The following EYA2 variants were observed in gnomAD, a reference collection of about 807,000 sequenced individuals.
EYA2 encodes EYA transcriptional coactivator and phosphatase 2, also known as protein phosphatase EYA2.
A neutral mutation model predicts 69.2 loss-of-function variants in EYA2; 31 were observed. That is an observed-to-expected ratio of 0.45 (90% CI 0.34 to 0.60). The LOEUF (loss-of-function observed/expected upper bound fraction) is 0.60, where lower values mean the gene tolerates loss of function less well. Ranked by LOEUF, EYA2 falls within the 20% of genes least tolerant of loss-of-function variation. The pLI, the probability that EYA2 is intolerant of heterozygous loss-of-function variation, is 0.02. For synonymous variants in EYA2, 257 were observed against 279.4 expected (o/e 0.92, Z 0.80); for missense variants, 622 against 701.2 (o/e 0.89, Z 1.28).
chr20:47,011,431 A>G (rs1447651798), intron 4 of EYA2, among the ~76,000 whole-genome samples: 1 of 152,130 alleles, frequency 6.6e-6, no homozygotes, highest in Non-Finnish European at 1.5e-5. Context: ...TCTCAGGATC[A>G]AAGCCAAAGG....
At chr20:47,131,981 CT>C (rs2033353045) in intron 9 of EYA2, among the ~76,000 whole-genome samples, 1 of 152,126 alleles carries the variant, frequency 6.6e-6, no homozygotes, top group African/African-American at 2.4e-5. Context: ...TTGTTTTTGT[CT>C]TTGAAACAGG....
chr20:46,911,679 G>T (rs573651534), intron 1 of EYA2, among the ~76,000 whole-genome samples: 2 of 152,300 alleles, frequency 1.3e-5, no homozygotes, highest in East Asian at 1.9e-4. Flanking sequence ...TATGTTAAGT[G>T]AAATAAGCCA....
chr20:47,164,165 C>T (rs935641643), intron 10 of EYA2, among the ~76,000 whole-genome samples: 1 of 152,168 alleles, frequency 6.6e-6, no homozygotes, highest in African/African-American at 2.4e-5. Context: ...TCCCTGGAGG[C>T]TCCCCCATCC....
At chr20:47,150,287 G>A (rs1390831769) in intron 10 of EYA2, among the ~76,000 whole-genome samples, 9 of 152,256 alleles carry the variant, frequency 5.9e-5, no homozygotes, top group Middle Eastern at 3.4e-3. Context: ...TCTCTTGGAC[G>A]TCATCACGGC....
chr20:47,063,396 T>TGC (rs1286503614), intron 5 of EYA2, among the ~76,000 whole-genome samples: 5 of 75,116 alleles, frequency 6.7e-5, no homozygotes, highest in South Asian at 5.1e-4. Context: ...CGTGTGCGTG[T>TGC]GTGTGTGTGT....
At chr20:47,040,642 C>T (rs1385843393) in intron 5 of EYA2, among the ~76,000 whole-genome samples, 4 of 152,218 alleles carry the variant, frequency 2.6e-5, no homozygotes, top group Admixed American at 1.3e-4. Context: ...TCACATCACA[C>T]GCATAGCTCC....
chr20:47,082,974 A>C (rs1191635809), intron 7 of EYA2, among the ~76,000 whole-genome samples: 1 of 152,150 alleles, frequency 6.6e-6, no homozygotes, highest in Non-Finnish European at 1.5e-5. Flanking sequence ...AGGGAGGATC[A>C]CTTGAGGCCA....
chr20:47,109,677 C>T (rs1299868385), intron 9 of EYA2, among the ~76,000 whole-genome samples: 1 of 152,160 alleles, frequency 6.6e-6, no homozygotes, highest in Non-Finnish European at 1.5e-5. Flanking sequence ...GGCACCACAC[C>T]CTGCCTGCAC....
intron 5 of EYA2, among the ~76,000 whole-genome samples, chr20:47,025,408 ATAACATCC>A (rs1984022635): frequency 6.6e-6 from 1 of 152,346 alleles, no homozygotes; most frequent in East Asian, 1.9e-4. Context: ...CTTTTCACAG[ATAACATCC>A]TATGCACACT....
At chr20:47,023,325 G>C (rs761230325) in intron 5 of EYA2, among the ~76,000 whole-genome samples, 2 of 152,138 alleles carry the variant, frequency 1.3e-5, no homozygotes, top group Non-Finnish European at 2.9e-5. Context: ...AAGTTGCATT[G>C]TTTCATTTGC....
Position 46,901,750 on chromosome 20 carries a change from A to T in EYA2, c.-11+6763A>T, listed in dbSNP as rs1456412639. The T allele has an allele frequency of 2.0e-5, 3 of 152,052 alleles. No individual in the cohort carries two copies. The East Asian group carries it at 5.8e-4, about 29-fold the overall frequency. The allele number at this position is 152,052 out of a possible 1,614,324, so 9.4% of individuals were successfully genotyped here. On this transcript the variant is annotated intron_variant, in intron 1 of 15. Coordinates refer to ENST00000327619, the MANE Select transcript of EYA2 (RefSeq NM_005244.5). ...TCGTGCACCTTTGGCCTTTTGTGTG[A>T]CTCCTAGAGTAGAGGGAAGCCTCCG...
intron 10 of EYA2, chr20:47,161,352 T>C: frequency 2.2e-6 from 1 of 461,438 alleles, no homozygotes; most frequent in Non-Finnish European, 4.1e-6. Context: ...AATAAATCCC[T>C]TGAGCCTGGT....
chr20:47,093,268 C>G (rs1251094644), intron 8 of EYA2, among the ~76,000 whole-genome samples: 1 of 152,192 alleles, frequency 6.6e-6, no homozygotes, highest in Non-Finnish European at 1.5e-5. Flanking sequence ...GTATCTTTCA[C>G]CTTCTGTTCT....
At chr20:47,185,884 C>T (rs1186813894) in intron 15 of EYA2, among the ~76,000 whole-genome samples, 1 of 152,134 alleles carries the variant, frequency 6.6e-6, no homozygotes, top group African/African-American at 2.4e-5. Context: ...CTTTTCATTC[C>T]TTCTACGAAT....
chr20:47,157,934 A>G (rs2033988970), intron 10 of EYA2, among the ~76,000 whole-genome samples: 1 of 151,966 alleles, frequency 6.6e-6, no homozygotes. Flanking sequence ...TATAAGACTA[A>G]CATCACCCTA....
chr20:47,114,016 ATC>A (rs1293920383), intron 9 of EYA2, among the ~76,000 whole-genome samples: 1 of 152,206 alleles, frequency 6.6e-6, no homozygotes, highest in African/African-American at 2.4e-5. Flanking sequence ...CCACACAGAT[ATC>A]TGTTTGTTCC....
chr20:47,117,037 C>T (rs2032915085), intron 9 of EYA2, among the ~76,000 whole-genome samples: 1 of 142,452 alleles, frequency 7.0e-6, no homozygotes, highest in Non-Finnish European at 1.5e-5. Context: ...TGCTCTGTCA[C>T]CCAGACTTCA....
At chr20:47,135,294 C>T (rs150869038) in intron 9 of EYA2, among the ~76,000 whole-genome samples, 9 of 151,998 alleles carry the variant, frequency 5.9e-5, no homozygotes, top group African/African-American at 1.9e-4. Flanking sequence ...ATCTTTACAA[C>T]AATCCTATCA....
Position 46,966,633 on chromosome 20 carries a change from C to T in EYA2, c.-10-23368C>T, listed in dbSNP as rs2146294289. Among the ~76,000 whole-genome samples, 3 of 152,116 alleles carry T rather than the reference C, an allele frequency of 2.0e-5. No individual in the cohort carries two copies. In the South Asian group the frequency reaches 6.3e-4, roughly 32 times the overall value. On this transcript the variant is annotated intron_variant, in intron 1 of 15. Transcript: ENST00000327619. Reference sequence around the variant, plus strand: ...ACCGTCCTGGCTAACACGGTGAAACCCTGTCTCTACTCAAAATACAAAAAA... The same window carrying T: ...ACCGTCCTGGCTAACACGGTGAAACTCTGTCTCTACTCAAAATACAAAAAA...
Sources: gnomAD v4.1 joint callset for allele counts (sites outside exome capture counted in the v4.1 genomes callset) on GRCh38, gnomAD v4.1.1 for gene constraint, MANE v1.5 for transcripts, NCBI Gene and HGNC (gene_info 2026-07-23, HGNC 2026-07-21) for gene names.